Variants in NSD1 observed in about 807,000 individuals in gnomAD.
NSD1 encodes the protein nuclear receptor binding SET domain protein 1, also known as histone-lysine N-methyltransferase, H3 lysine-36 specific.
Under a neutral mutation model 242.7 loss-of-function variants are expected in NSD1, and 26 were observed. The observed-to-expected ratio is 0.11, with a 90% CI of 0.08 to 0.15. NSD1 has a LOEUF of 0.15. Among genes scored for constraint, NSD1 ranks in the 10% least tolerant of loss-of-function variants. NSD1 has a pLI of 1.00. For missense variants in NSD1, 2,495 were observed against 3,272.8 expected (o/e 0.76, Z 5.80); for synonymous variants, 1,106 against 1,178.1 (o/e 0.94, Z 1.25).
intron 2 of NSD1, among the ~76,000 whole-genome samples, chr5:177,151,244 C>T (rs1036670173): frequency 6.6e-6 from 1 of 152,056 alleles, no homozygotes; most frequent in African/African-American, 2.4e-5. Flanking sequence ...GGTGTGATGG[C>T]GGGTGCCTGT....
At chr5:177,264,028 ATTTTT>A (rs61538775) in intron 14 of NSD1, among the ~76,000 whole-genome samples, 1,309 of 76,348 alleles carry the variant, frequency 0.017, 35 homozygotes, top group African/African-American at 0.061. Flanking sequence ...CAATGAACCA[ATTTTT>A]TTTTTTTTTT....
At chr5:177,190,373 T>C (rs1264960244) in intron 2 of NSD1, among the ~76,000 whole-genome samples, 1 of 151,868 alleles carries the variant, frequency 6.6e-6, no homozygotes, top group Non-Finnish European at 1.5e-5. Context: ...TCTGCCTCCC[T>C]GGTTCAAGCA....
At chr5:177,161,474 A>G (rs984923092) in intron 2 of NSD1, among the ~76,000 whole-genome samples, 10 of 151,794 alleles carry the variant, frequency 6.6e-5, no homozygotes, top group African/African-American at 9.7e-5. Flanking sequence ...CTTTCCCTAT[A>G]TTCTCCTATT....
At chr5:177,132,237 C>G (rs1378792424), upstream of NSD1, among the ~76,000 whole-genome samples, 1 of 151,876 alleles carries the variant, frequency 6.6e-6, no homozygotes, top group Admixed American at 6.6e-5. The surrounding 1 kb of genome is among the most constrained non-coding windows in gnomAD (Gnocchi z 7.5). Context: ...AGGGGCGAGG[C>G]GCGCACTCCC....
chr5:177,230,501 A>T (rs1412131023), intron 5 of NSD1, among the ~76,000 whole-genome samples: 1 of 152,030 alleles, frequency 6.6e-6, no homozygotes, highest in East Asian at 1.9e-4. Flanking sequence ...AGAGAAGCAA[A>T]CCCCAAAGGT....
rs1432898487 is a variant in NSD1 at position 177,269,247 on chromosome 5, T to C, written c.5304-355T>C. 1.3e-5 allele frequency among the ~76,000 whole-genome samples: 2 copies of C among 152,232 alleles called. No individual in the cohort carries two copies. The highest frequency in any genetic ancestry group is 2.9e-5 in the Non-Finnish European group (2 of 68,038). ...TAGTGTACCATGGATAATACTATTATTTTCTTGATGTTGAGCATTTATACT... is the reference window on the plus strand; with the variant it reads ...TAGTGTACCATGGATAATACTATTACTTTCTTGATGTTGAGCATTTATACT... On this transcript the variant is annotated intron_variant, in intron 15 of 22. Transcript: ENST00000439151. This position sits in a 1 kb window ranked among gnomAD's most constrained non-coding sequence, Gnocchi z 5.1.
intron 3 of NSD1, among the ~76,000 whole-genome samples, chr5:177,200,533 T>A (rs2149832267): frequency 6.6e-6 from 1 of 152,304 alleles, no homozygotes; most frequent in South Asian, 2.1e-4. Flanking sequence ...CTCTTTCATC[T>A]CCCAAACTGA....
At chr5:177,257,251 G>T (rs527804735) in intron 13 of NSD1, 100 bp downstream of exon 13, 13 of 906,156 alleles carry the variant, frequency 1.4e-5, no homozygotes, top group Non-Finnish European at 2.1e-5. Context: ...TTTTTTTGGA[G>T]ACAGAGTCTC....
At chr5:177,132,026 G>C (rs975557669), upstream of NSD1, among the ~76,000 whole-genome samples, 3 of 152,212 alleles carry the variant, frequency 2.0e-5, no homozygotes, top group Non-Finnish European at 2.9e-5. The surrounding 1 kb of genome is among the most constrained non-coding windows in gnomAD (Gnocchi z 7.5). Flanking sequence ...TTCAGGCCCA[G>C]CTTGGGCTCC....
chr5:177,169,774 T>C (rs1314761449), intron 2 of NSD1: 1 of 152,196 alleles, frequency 6.6e-6, no homozygotes, highest in Non-Finnish European at 1.5e-5. Context: ...TAAAATGATA[T>C]ATAACATAAC....
At chr5:177,256,203 G>A (rs551890571) in intron 12 of NSD1, among the ~76,000 whole-genome samples, 82 of 150,748 alleles carry the variant, frequency 5.4e-4, no homozygotes, top group African/African-American at 1.9e-3. Flanking sequence ...TATGTCGGGT[G>A]ATTTCCTGTA....
chr5:177,203,721 G>GTT lies in NSD1; in HGVS notation c.1064-391_1064-390dup, dbSNP rs77210517. Among the ~76,000 whole-genome samples the GTT allele has an allele frequency of 1.6e-4, 24 of 150,340 alleles. No individual in the cohort carries two copies. The East Asian group carries it at 2.2e-3, about 13-fold the overall frequency. On this transcript the variant is annotated intron_variant, in intron 3 of 22. Transcript: ENST00000439151. ...CCTAGTGTTTTTCACGTTTTCTTGG[G>GTT]TTTTTTTTTGTATATATATTTTTGT...
At chr5:177,159,231 T>C (rs1057454589) in intron 2 of NSD1, among the ~76,000 whole-genome samples, 4 of 150,946 alleles carry the variant, frequency 2.6e-5, no homozygotes, top group African/African-American at 7.3e-5. Flanking sequence ...TCATGAAGGA[T>C]GAATTAAGTC....
At chr5:177,203,718 T>TG (rs1209943610) in intron 3 of NSD1, among the ~76,000 whole-genome samples, 3 of 143,326 alleles carry the variant, frequency 2.1e-5, no homozygotes, top group Non-Finnish European at 4.6e-5. Context: ...CACGTTTTCT[T>TG]GGGTTTTTTT....
At chr5:177,180,936 C>T (rs1050520104) in intron 2 of NSD1, among the ~76,000 whole-genome samples, 7 of 152,124 alleles carry the variant, frequency 4.6e-5, no homozygotes, top group African/African-American at 1.7e-4. Context: ...CCGCCTCGGC[C>T]TCCCAAAGTG....
chr5:177,299,886 G>C lies in NSD1; in HGVS notation c.*4427G>C, dbSNP rs745333810. Reference sequence around the variant, plus strand: ...GGTCTCATCGAGGTGGGTGCTACCTGTGTGTGTGTAGATGAGTGTGCTGAA... The same window carrying C: ...GGTCTCATCGAGGTGGGTGCTACCTCTGTGTGTGTAGATGAGTGTGCTGAA... On this transcript the variant is annotated 3_prime_UTR_variant, in exon 23 of 23. Coordinates refer to ENST00000439151, the MANE Select transcript of NSD1 (RefSeq NM_022455.5). 4 of 233,002 alleles carry C rather than the reference G, an allele frequency of 1.7e-5. No individual in the cohort carries two copies. Among genetic ancestry groups the C allele is most frequent in the Non-Finnish European group, 2.5e-5 (3 of 118,000 alleles). The allele number at this position is 233,002 out of a possible 1,614,324, so 14.4% of individuals were successfully genotyped here.
At chr5:177,253,638 C>CT (rs1375883260) in intron 12 of NSD1, among the ~76,000 whole-genome samples, 5 of 148,612 alleles carry the variant, frequency 3.4e-5, no homozygotes, top group South Asian at 2.3e-4. Context: ...TCCCATTTTT[C>CT]TTTTTTTTCC....
chr5:177,236,346 C>T (rs991925656), intron 6 of NSD1, among the ~76,000 whole-genome samples: 8 of 152,150 alleles, frequency 5.3e-5, no homozygotes, highest in Admixed American at 5.2e-4. Flanking sequence ...TCTACCCCTA[C>T]ATAGTTTAAT....
At chr5:177,216,792 G>C (rs1763810389) in intron 5 of NSD1, among the ~76,000 whole-genome samples, 1 of 151,542 alleles carries the variant, frequency 6.6e-6, no homozygotes, top group South Asian at 2.1e-4. Flanking sequence ...AAAAAGCGGG[G>C]ATTACAGGTG....
Sources: gnomAD v4.1 joint callset for allele counts (sites outside exome capture counted in the v4.1 genomes callset) on GRCh38, gnomAD v4.1.1 for gene constraint, Gnocchi (gnomAD v3.1) non-coding constraint, MANE v1.5 for transcripts, NCBI Gene and HGNC (gene_info 2026-07-23, HGNC 2026-07-21) for gene names.